UTP20: variants seen among roughly 807,000 people sequenced by gnomAD.
The protein encoded by UTP20 is small subunit processome component 20 homolog.
A neutral mutation model predicts 329.5 loss-of-function variants in UTP20; 164 were observed. That is an observed-to-expected ratio of 0.50 (90% CI 0.44 to 0.57). The LOEUF is 0.57. Ranked by LOEUF, UTP20 falls within the 20% of genes least tolerant of loss-of-function variation. The pLI is 0.00. For missense variants in UTP20, 3,055 were observed against 3,284.2 expected, an observed-to-expected ratio of 0.93 and a Z score of 1.71; for synonymous variants, 1,151 against 1,159.3, an observed-to-expected ratio of 0.99 and a Z score of 0.14.
At position 101,305,548 on chromosome 12, in the gene UTP20, TATATTAA is replaced by T. The variant is rs528939973; in HGVS notation, c.1782-357_1782-351del. Among the ~76,000 whole-genome samples, 299 of 147,914 alleles carry T rather than the reference TATATTAA, an allele frequency of 2.0e-3. 1 individual carries two copies. The highest frequency in any genetic ancestry group is 1.0e-3 in the Non-Finnish European group (70 of 67,272). On this transcript the variant is annotated intron_variant, in intron 15 of 61. Transcript: ENST00000261637. The stretch of plus-strand genomic sequence containing the variant: ...TAATAAATATTATATATGTATATAT[TATATTAA>T]ATATTAAATTTAATATTTAATATTA...
intron 25 of UTP20, among the ~76,000 whole-genome samples, chr12:101,325,784 CA>C (rs1373564208): frequency 6.6e-6 from 1 of 152,160 alleles, no homozygotes; most frequent in Non-Finnish European, 1.5e-5. Flanking sequence ...TCAAGGAAAA[CA>C]ACTGTCAGCA....
At position 101,365,498 on chromosome 12, in the gene UTP20, G is replaced by A; in HGVS notation, c.5998G>A (p.Val2000Ile). Residue 2000 changes from valine to isoleucine, a missense_variant, in exon 46 of 62, where the codon GTT becomes ATT. Val to Ile is a conservative substitution (Grantham distance 29). Around this residue, in one of 3 missense-constraint regions of UTP20, gnomAD observed 2,445 missense variants for 2,575.5 expected, o/e 0.95. Transcript: ENST00000261637. ...CACGAGTTTGAAACTGGCCCGGAAA[G>A]TTCATGAAACTTTACGCCGAATCAC... ...NTTSLKLARK[V>I]HETLRRITVG... The A allele has an allele frequency of 1.9e-6, 3 of 1,610,906 alleles. No homozygotes were observed. The highest frequency in any genetic ancestry group is 1.1e-5 in the South Asian group (1 of 89,976).
intron 56 of UTP20, among the ~76,000 whole-genome samples, 198 bp from the exon 57 acceptor site, chr12:101,379,173 T>TCTATC (rs1870566974): frequency 6.6e-6 from 1 of 152,184 alleles, no homozygotes; most frequent in Non-Finnish European, 1.5e-5. Context: ...ACTTATTCCT[T>TCTATC]CTATCTAATT....
In UTP20 at chr12:101,290,737, T is replaced by A; in HGVS notation, c.740T>A (p.Val247Glu). The change falls in exon 8 of 62, where the codon GTG becomes GAG. Residue 247 changes from valine (V) to glutamate (E), a missense_variant. Around this residue, in one of 3 missense-constraint regions of UTP20, gnomAD observed 2,445 missense variants for 2,575.5 expected, o/e 0.95. Coordinates refer to ENST00000261637, the MANE Select transcript of UTP20 (RefSeq NM_014503.3). ...NMFHSCTGQA[V>E]KLILRKLGPV... Reference sequence around the variant, plus strand: ...TAATGACTTGTATTCCCACAGGCAGTGAAGCTAATTTTGCGAAAGCTAGGA... The same window carrying A: ...TAATGACTTGTATTCCCACAGGCAGAGAAGCTAATTTTGCGAAAGCTAGGA... The A allele has an allele frequency of 3.1e-6, 5 of 1,605,402 alleles. No individual in the cohort carries two copies. The highest frequency in any genetic ancestry group is 1.3e-5 in the African/African-American group (1 of 74,538).
intron 48 of UTP20, among the ~76,000 whole-genome samples, chr12:101,369,073 C>A (rs1870194608): frequency 6.6e-6 from 1 of 152,156 alleles, no homozygotes; most frequent in Admixed American, 6.5e-5. Flanking sequence ...AAATGATAGT[C>A]AATTGTTCCC....
intron 57 of UTP20, 30 bp downstream of exon 57, chr12:101,379,588 C>T (rs1565809755): frequency 1.3e-6 from 2 of 1,590,602 alleles, no homozygotes; most frequent in South Asian, 1.1e-5. Context: ...TTTTCCTTCC[C>T]TCGTGACTGT....
At position 101,356,417 on chromosome 12, in the gene UTP20, C is replaced by T. The variant is rs1869723075; in HGVS notation, c.5395-137C>T. The T allele has an allele frequency of 1.9e-5, 16 of 858,232 alleles. No homozygotes were observed. In the South Asian group the frequency reaches 2.6e-4, roughly 14 times the overall value. The allele number at this position is 858,232 out of a possible 1,614,324, so 53.2% of individuals were successfully genotyped here. A position where few individuals can be genotyped will look rare whatever the true frequency, so the allele number is the denominator to read the frequency against. On this transcript the variant is annotated intron_variant, in intron 41 of 61. Transcript: ENST00000261637. Reference sequence around the variant, plus strand: ...CTGGGATTCCAGGCATGAGCCACCGCACCCAGCCTTTTCTTTCTTCTTTTT... The same window carrying T: ...CTGGGATTCCAGGCATGAGCCACCGTACCCAGCCTTTTCTTTCTTCTTTTT...
chr12:101,319,567 G>C lies in UTP20; in HGVS notation c.2761G>C (p.Val921Leu). The C allele has an allele frequency of 6.2e-7, 1 of 1,607,246 alleles. No individual in the cohort carries two copies. Among genetic ancestry groups the C allele is most frequent in the Non-Finnish European group, 8.5e-7 (1 of 1,178,990 alleles). ...AAKQLIAHLQ[V>L]FSKFSNPRAL... ...TAGGCAATTAATTGCTCATTTGCAA[G>C]TTTTCTCTAAATTTTCAAATCCACG... Residue 921 changes from valine to leucine, a missense_variant, in exon 23 of 62, where the codon GTT (valine) becomes CTT (leucine). Physicochemically the swap from Val to Leu is conservative, Grantham distance 32. Around this residue, in one of 3 missense-constraint regions of UTP20, gnomAD observed 2,445 missense variants for 2,575.5 expected, o/e 0.95. Transcript: ENST00000261637.
At chr12:101,376,084 T>C (rs182733400) in intron 56 of UTP20, among the ~76,000 whole-genome samples, 3 of 152,352 alleles carry the variant, frequency 2.0e-5, no homozygotes, top group South Asian at 4.1e-4. Context: ...ATTTATGGTG[T>C]ACAATGTATT....
intron 26 of UTP20, among the ~76,000 whole-genome samples, chr12:101,328,783 C>T (rs914189028): frequency 6.6e-6 from 1 of 151,448 alleles, no homozygotes; most frequent in African/African-American, 2.4e-5. Flanking sequence ...GCAGGAGAAC[C>T]GCGTGGACCC....
At chr12:101,373,261 AGC>A in intron 52 of UTP20, 138 bp from the exon 53 acceptor site, 1 of 791,606 alleles carries the variant, frequency 1.3e-6, no homozygotes, top group East Asian at 2.7e-5. Flanking sequence ...GATACATACA[AGC>A]ATTAAAATTA....
chr12:101,372,898 T>C lies in UTP20; in HGVS notation c.6813T>C (p.Tyr2271=), dbSNP rs1389994120. 3 of 1,613,986 alleles carry C rather than the reference T, an allele frequency of 1.9e-6. No individual in the cohort carries two copies. The East Asian group carries it at 6.7e-5, about 36-fold the overall frequency. Residue 2271 remains tyrosine, a synonymous_variant, in exon 52 of 62, where the codon TAT becomes TAC. Transcript: ENST00000261637. ...RVQCRQVFLK[Y]ILDYPLGDKL... is the part of the protein sequence containing the mutation. ...TTTGTTCCTAGGTTTTTCTGAAATA[T>C]ATTCTTGACTATCCCCTGGGTGACA...
intron 12 of UTP20, among the ~76,000 whole-genome samples, chr12:101,296,298 G>T (rs1362754581): frequency 6.6e-6 from 1 of 152,194 alleles, no homozygotes; most frequent in Non-Finnish European, 1.5e-5. Flanking sequence ...CTGGCCAGGC[G>T]CGGTGGCTCA....
intron 38 of UTP20, among the ~76,000 whole-genome samples, chr12:101,347,751 CTGTT>C (rs1211266239): frequency 1.3e-5 from 2 of 152,158 alleles, no homozygotes; most frequent in Admixed American, 1.3e-4. Flanking sequence ...CACAACCTAA[CTGTT>C]TGATGCCATT....
intron 46 of UTP20, 76 bp from the exon 47 acceptor site, chr12:101,366,482 T>C: frequency 1.3e-6 from 2 of 1,533,348 alleles, no homozygotes; most frequent in Non-Finnish European, 1.8e-6. Context: ...CTCGTCACTT[T>C]AGAAGGGCCA....
At chr12:101,304,784 G>A (rs1422950035) in intron 15 of UTP20, among the ~76,000 whole-genome samples, 1 of 152,164 alleles carries the variant, frequency 6.6e-6, no homozygotes, top group Non-Finnish European at 1.5e-5. Flanking sequence ...AACCTTGCTC[G>A]AGAGGTATCC....
chr12:101,321,438 C>A, intron 24 of UTP20, 66 bp from the exon 25 acceptor site: 1 of 1,592,328 alleles, frequency 6.3e-7, no homozygotes. Flanking sequence ...GTACATATTT[C>A]ACTCTTTCAT....
intron 18 of UTP20, 116 bp from the exon 19 acceptor site, chr12:101,309,647 C>T (rs1254560357): frequency 1.1e-5 from 10 of 922,744 alleles, no homozygotes; most frequent in African/African-American, 3.4e-5. Context: ...TTTTTCTTAT[C>T]GCACAGGCTT....
intron 24 of UTP20, 102 bp downstream of exon 24, chr12:101,321,039 T>G (rs1182433800): frequency 3.8e-6 from 4 of 1,039,670 alleles, no homozygotes; most frequent in Non-Finnish European, 4.1e-6. Context: ...CCTAGAAAGT[T>G]TCCCTTTTTT....
Sources: allele counts gnomAD v4.1 joint callset (sites outside exome capture counted in the v4.1 genomes callset), GRCh38; gene constraint gnomAD v4.1.1; regional missense constraint gnomAD v4.1.1; transcripts MANE v1.5; gene names NCBI Gene and HGNC (gene_info 2026-07-23, HGNC 2026-07-21).